PPP4R2: variants seen among roughly 807,000 people sequenced by gnomAD.
The protein encoded by PPP4R2 is protein phosphatase 4 regulatory subunit 2.
PPP4R2 carries 13 observed loss-of-function variants against 47.2 expected under a neutral mutation model. The observed-to-expected ratio is 0.28, with a 90% CI of 0.18 to 0.44. PPP4R2 has a LOEUF of 0.44. PPP4R2 is among the 20% of genes least tolerant of loss of function. PPP4R2 has a pLI of 1.00. For missense variants in PPP4R2, 421 were observed against 491.2 expected, an observed-to-expected ratio of 0.86 and a Z score of 1.35; for synonymous variants, 151 against 163.3, an observed-to-expected ratio of 0.92 and a Z score of 0.57.
At position 73,001,641 on chromosome 3, in the gene PPP4R2, C is replaced by A. The variant is rs1701460859; in HGVS notation, c.116+3483C>A. 3.3e-5 allele frequency among the ~76,000 whole-genome samples: 5 copies of A among 151,726 alleles called. No homozygotes were observed. In the South Asian group the frequency reaches 1.0e-3, roughly 32 times the overall value. ...CTTTACCATTTTAGTTTTCTTTCTT[C>A]TTTTTTTTTATTTTTTTGAGATGGA... On this transcript the variant is annotated intron_variant, in intron 2 of 8. Coordinates refer to ENST00000356692, the MANE Select transcript of PPP4R2 (RefSeq NM_174907.4).
Position 73,062,473 on chromosome 3 carries a change from T to A in PPP4R2, c.420-1200T>A, listed in dbSNP as rs200840536. On this transcript the variant is annotated intron_variant, in intron 5 of 8. Transcript: ENST00000356692. ...ACCCCAAGTTTAGTATTCTTGTGTTTCATATTTGATGGGTTACACCAGGCA... is the reference window on the plus strand; with the variant it reads ...ACCCCAAGTTTAGTATTCTTGTGTTACATATTTGATGGGTTACACCAGGCA... 1.2e-4 allele frequency: 186 copies of A among 1,613,176 alleles called. 1 individual carries two copies. The Middle Eastern group carries it at 2.3e-3, about 20-fold the overall frequency.
At chr3:73,011,953 C>A (rs9845153) in intron 2 of PPP4R2, among the ~76,000 whole-genome samples, 58,107 of 151,880 alleles carry the variant, frequency 0.38, 11,526 homozygotes, top group African/African-American at 0.44. Flanking sequence ...AAGGAAAGTG[C>A]GAGGTCTTAA....
chr3:73,040,058 G>GA (rs1000196140), intron 2 of PPP4R2, among the ~76,000 whole-genome samples: 1 of 151,900 alleles, frequency 6.6e-6, no homozygotes, highest in Non-Finnish European at 1.5e-5. Context: ...GTCTCCAAAA[G>GA]AAAAAAGAAA....
intron 2 of PPP4R2, among the ~76,000 whole-genome samples, chr3:73,001,500 G>A (rs1701456295): frequency 6.6e-6 from 1 of 152,140 alleles, no homozygotes; most frequent in South Asian, 2.1e-4. Context: ...CCTGAGCCTG[G>A]GAGGTTGAGG....
chr3:73,029,379 T>A (rs2107272386), intron 2 of PPP4R2, among the ~76,000 whole-genome samples: 1 of 152,260 alleles, frequency 6.6e-6, no homozygotes, highest in South Asian at 2.1e-4. Context: ...GGCTAAGAGA[T>A]GTTTGTGGTT....
intron 2 of PPP4R2, among the ~76,000 whole-genome samples, chr3:73,001,823 T>G (rs1366227648): frequency 6.6e-6 from 1 of 152,032 alleles, no homozygotes; most frequent in Non-Finnish European, 1.5e-5. Flanking sequence ...GAGACAGGGT[T>G]TCACCATGTT....
At chr3:73,008,835 T>TG (rs1701667726) in intron 2 of PPP4R2, among the ~76,000 whole-genome samples, 1 of 152,154 alleles carries the variant, frequency 6.6e-6, no homozygotes, top group Non-Finnish European at 1.5e-5. Flanking sequence ...GAACTCTGAT[T>TG]GGACAGTCAG....
intron 2 of PPP4R2, among the ~76,000 whole-genome samples, chr3:73,044,477 T>C (rs747469267): frequency 1.4e-4 from 21 of 152,096 alleles, no homozygotes; most frequent in Admixed American, 1.2e-3. Context: ...TCCTAGCTAC[T>C]TGGGAGGCTG....
At chr3:73,009,668 TTC>T (rs1333476770) in intron 2 of PPP4R2, among the ~76,000 whole-genome samples, 4 of 152,198 alleles carry the variant, frequency 2.6e-5, no homozygotes, top group Admixed American at 6.5e-5. Flanking sequence ...GCACCTTGCT[TTC>T]TCTCTGCTTG....
At chr3:73,045,575 C>T (rs1460071887) in intron 2 of PPP4R2, among the ~76,000 whole-genome samples, 3 of 145,060 alleles carry the variant, frequency 2.1e-5, no homozygotes, top group Admixed American at 1.4e-4. Flanking sequence ...CCCGGGCTGG[C>T]GTGCAGTGAT....
At chr3:73,018,858 C>G (rs1302500983) in intron 2 of PPP4R2, among the ~76,000 whole-genome samples, 2 of 152,098 alleles carry the variant, frequency 1.3e-5, no homozygotes, top group African/African-American at 2.4e-5. Context: ...CTCCTTTTCT[C>G]AATAAAAACT....
chr3:73,058,017 G>T (rs1171527705), intron 3 of PPP4R2, among the ~76,000 whole-genome samples: 1 of 152,082 alleles, frequency 6.6e-6, no homozygotes, highest in South Asian at 2.1e-4. Flanking sequence ...TGTTAGCTGC[G>T]TTTGTCGTAC....
At chr3:73,015,399 ACTC>A (rs1437421808) in intron 2 of PPP4R2, among the ~76,000 whole-genome samples, 1 of 150,446 alleles carries the variant, frequency 6.6e-6, no homozygotes, top group Non-Finnish European at 1.5e-5. Context: ...CTGGTCTTGA[ACTC>A]CTGGCCTCAA....
intron 2 of PPP4R2, among the ~76,000 whole-genome samples, chr3:73,006,198 T>A (rs1464585814): frequency 3.0e-5 from 1 of 32,946 alleles, no homozygotes; most frequent in East Asian, 6.3e-4. Context: ...CAATTTTTTT[T>A]TTTTTTTTTT....
intron 2 of PPP4R2, among the ~76,000 whole-genome samples, chr3:73,028,989 C>G (rs1446215528): frequency 4.6e-5 from 7 of 152,196 alleles, no homozygotes; most frequent in Non-Finnish European, 1.0e-4. Flanking sequence ...CTCTGTCATG[C>G]AGTGTGAGTG....
chr3:73,023,204 A>G (rs1475511404), intron 2 of PPP4R2, among the ~76,000 whole-genome samples: 2 of 149,232 alleles, frequency 1.3e-5, no homozygotes, highest in African/African-American at 4.9e-5. Flanking sequence ...TTTTTTTGAG[A>G]TGGAATTTCG....
rs1461049199 is a variant in PPP4R2, at chr3:73,067,928, A to G, written c.*2206A>G. The G allele has an allele frequency of 6.6e-6, 1 of 152,170 alleles. No individual in the cohort carries two copies. The highest frequency in any genetic ancestry group is 2.4e-5 in the African/African-American group (1 of 41,454). The allele number at this position is 152,170 out of a possible 1,614,324, so 9.4% of individuals were successfully genotyped here. On this transcript the variant is annotated 3_prime_UTR_variant, in exon 9 of 9. Coordinates refer to ENST00000356692, the MANE Select transcript of PPP4R2 (RefSeq NM_174907.4). ...TTTAATCTATAGTTTAATAGTTTTA[A>G]TATTTATTAGATATTCATATGTTGA...
chr3:73,013,569 T>C (rs1294175273), intron 2 of PPP4R2, among the ~76,000 whole-genome samples: 1 of 152,274 alleles, frequency 6.6e-6, no homozygotes, highest in Non-Finnish European at 1.5e-5. Flanking sequence ...GTATGTGTGT[T>C]AATCCTCTTG....
Position 73,063,958 on chromosome 3 carries a change from A to G in PPP4R2, c.495-45A>G, listed in dbSNP as rs746991191. ...ACATCAACATACCTTAAGAGGGATG[A>G]CTTTTTATAAAAATAGGAAATGATG... On this transcript the variant is annotated intron_variant, in intron 6 of 8. Transcript: ENST00000356692. The G allele has an allele frequency of 3.3e-6, 5 of 1,524,154 alleles. No homozygotes were observed. In the Admixed American group the frequency reaches 6.3e-5, roughly 19 times the overall value. The allele number at this position is 1,524,154 out of a possible 1,614,324, so 94.4% of individuals were successfully genotyped here. A position where few individuals can be genotyped will look rare whatever the true frequency, so the allele number is the denominator to read the frequency against.
Sources: gnomAD v4.1 joint callset for allele counts (sites outside exome capture counted in the v4.1 genomes callset) on GRCh38, gnomAD v4.1.1 for gene constraint, MANE v1.5 for transcripts, NCBI Gene and HGNC (gene_info 2026-07-23, HGNC 2026-07-21) for gene names.